Variants in CES5A observed in about 807,000 individuals in gnomAD.
CES5A encodes carboxylesterase 5A, also known as carboxylesterase 5.
A neutral mutation model predicts 62.9 loss-of-function variants in CES5A; 67 were observed. That is an observed-to-expected ratio of 1.07 (90% CI 0.88 to 1.31). The LOEUF (loss-of-function observed/expected upper bound fraction) is 1.31. Among genes scored for constraint, CES5A ranks in the 50% most tolerant of loss-of-function variants. CES5A has a pLI of 0.00. For missense variants in CES5A, 748 were observed against 708.5 expected, an observed-to-expected ratio of 1.06 and a Z score of -0.63; for synonymous variants, 296 against 280.8, an observed-to-expected ratio of 1.05 and a Z score of -0.54.
At chr16:55,879,766 A>T (rs996564248), upstream of CES5A, among the ~76,000 whole-genome samples, 2 of 151,872 alleles carry the variant, frequency 1.3e-5, no homozygotes, top group African/African-American at 2.4e-5. Flanking sequence ...AATTTTTTTT[A>T]AATTTTTGTA....
chr16:55,931,996 G>A (rs2034317940), intron 2 of CES5A, among the ~76,000 whole-genome samples: 2 of 152,182 alleles, frequency 1.3e-5, no homozygotes, highest in African/African-American at 4.8e-5. Context: ...GACCCTCATT[G>A]GGTCATGAGG....
intron 1 of CES5A, among the ~76,000 whole-genome samples, chr16:55,952,097 T>C (rs2034563665): frequency 6.6e-6 from 1 of 152,158 alleles, no homozygotes; most frequent in African/African-American, 2.4e-5. Context: ...GGTTACCATC[T>C]GGGACAAAAT....
chr16:55,869,568 G>C (rs2033538376), intron 4 of CES5A, 43 bp downstream of exon 4: 1 of 1,604,672 alleles, frequency 6.2e-7, no homozygotes. Flanking sequence ...CTGCACTGCT[G>C]CCCTTTGGGG....
intron 1 of CES5A, among the ~76,000 whole-genome samples, chr16:55,884,925 C>A (rs1186945494): frequency 1.3e-5 from 2 of 152,184 alleles, no homozygotes; most frequent in Non-Finnish European, 2.9e-5. Flanking sequence ...ACTCGTGCTC[C>A]TTTCGCCAGC....
intron 2 of CES5A, among the ~76,000 whole-genome samples, chr16:55,936,048 A>G (rs1264217890): frequency 1.3e-5 from 2 of 152,096 alleles, no homozygotes; most frequent in Non-Finnish European, 1.5e-5. Flanking sequence ...CCATGAGCCC[A>G]TGTTCTCAGG....
At chr16:55,943,026 G>A (rs1406703086) in intron 2 of CES5A, among the ~76,000 whole-genome samples, 1 of 152,190 alleles carries the variant, frequency 6.6e-6, no homozygotes, top group African/African-American at 2.4e-5. Flanking sequence ...GGCTACAAAT[G>A]AGCCCAAGAG....
At chr16:55,848,147 C>T (rs1379078333) in intron 11 of CES5A, among the ~76,000 whole-genome samples, 1 of 152,006 alleles carries the variant, frequency 6.6e-6, no homozygotes, top group South Asian at 2.1e-4. Flanking sequence ...CACTCTGTTG[C>T]CCAGACTGGA....
chr16:55,878,309 A>C (rs1379842431), upstream of CES5A, among the ~76,000 whole-genome samples: 1 of 152,032 alleles, frequency 6.6e-6, no homozygotes, highest in African/African-American at 2.4e-5. Context: ...CAGCTGCCTC[A>C]GGGTGGAAAC....
At chr16:55,855,777 C>G (rs2033229376) in intron 9 of CES5A, among the ~76,000 whole-genome samples, 1 of 152,136 alleles carries the variant, frequency 6.6e-6, no homozygotes, top group South Asian at 2.1e-4. Flanking sequence ...TTTTGGAGCT[C>G]TTCCAGGTCG....
intron 2 of CES5A, among the ~76,000 whole-genome samples, chr16:55,940,973 C>T (rs1208966012): frequency 6.6e-6 from 1 of 151,678 alleles, no homozygotes. Flanking sequence ...AAAACCTCTC[C>T]ATAAACTTGA....
chr16:55,902,770 G>A (rs763337439), intron 1 of CES5A, among the ~76,000 whole-genome samples: 11 of 152,098 alleles, frequency 7.2e-5, no homozygotes, highest in Admixed American at 1.3e-4. Flanking sequence ...GGCATCATCC[G>A]AATTTCTGTC....
intron 2 of CES5A, among the ~76,000 whole-genome samples, chr16:55,941,312 C>A (rs756234040): frequency 6.6e-6 from 1 of 152,020 alleles, no homozygotes; most frequent in Non-Finnish European, 1.5e-5. Context: ...AGGCAACACA[C>A]AAAATCAATC....
At chr16:55,891,085 A>G (rs557834243) in intron 1 of CES5A, among the ~76,000 whole-genome samples, 3 of 152,058 alleles carry the variant, frequency 2.0e-5, no homozygotes, top group African/African-American at 7.2e-5. Context: ...ACCCTGACTC[A>G]TTCCAATTTC....
At chr16:55,852,812 C>T in intron 10 of CES5A, 69 bp downstream of exon 10, 1 of 1,541,158 alleles carries the variant, frequency 6.5e-7, no homozygotes, top group South Asian at 1.2e-5. Flanking sequence ...GCTCAGTAGA[C>T]AATATGGATT....
At chr16:55,899,725 G>A (rs903234554) in intron 1 of CES5A, among the ~76,000 whole-genome samples, 22 of 152,304 alleles carry the variant, frequency 1.4e-4, no homozygotes, top group Admixed American at 1.3e-4. Flanking sequence ...ACAGCTAGTG[G>A]AGAGGTACTG....
intron 1 of CES5A, among the ~76,000 whole-genome samples, chr16:55,953,141 A>C (rs1037681651): frequency 6.6e-6 from 1 of 152,222 alleles, no homozygotes; most frequent in Admixed American, 6.5e-5. Flanking sequence ...CTGATGCTAA[A>C]ATTTAATGTA....
intron 1 of CES5A, among the ~76,000 whole-genome samples, chr16:55,905,082 A>G (rs1333933426): frequency 6.6e-6 from 1 of 152,184 alleles, no homozygotes; most frequent in Non-Finnish European, 1.5e-5. Flanking sequence ...TTGAGTCTCA[A>G]GTTTTATAAA....
intron 1 of CES5A, among the ~76,000 whole-genome samples, chr16:55,911,741 G>A (rs1394841427): frequency 1.1e-4 from 16 of 152,166 alleles, no homozygotes; most frequent in African/African-American, 3.6e-4. Flanking sequence ...GGCCAGGAAA[G>A]GGAAGAGACT....
At chr16:55,858,550 T>C (rs1174005910) in intron 8 of CES5A, among the ~76,000 whole-genome samples, 1 of 152,234 alleles carries the variant, frequency 6.6e-6, no homozygotes, top group Non-Finnish European at 1.5e-5. Context: ...CAAAAATCCC[T>C]AGTCCCACTT....
Sources: allele counts gnomAD v4.1 joint callset (sites outside exome capture counted in the v4.1 genomes callset), GRCh38; gene constraint gnomAD v4.1.1; transcripts MANE v1.5; gene names NCBI Gene and HGNC (gene_info 2026-07-23, HGNC 2026-07-21).